AKT3: variants seen among roughly 807,000 people sequenced by gnomAD.
AKT3 encodes AKT serine/threonine kinase 3.
AKT3 carries 15 observed loss-of-function variants against 65.3 expected under a neutral mutation model. The ratio of observed to expected loss-of-function variants is 0.23; its 90% CI spans 0.15 to 0.35. The LOEUF is 0.35. Ranked by LOEUF, AKT3 falls within the 10% of genes least tolerant of loss-of-function variation. The pLI, the probability that AKT3 is intolerant of heterozygous loss-of-function variation, is 1.00. For synonymous variants in AKT3, 206 were observed against 183.8 expected (o/e 1.12, Z -0.98); for missense variants, 243 against 576.5 (o/e 0.42, Z 5.92).
chr1:243,527,897 AC>A (rs1671235396), intron 12 of AKT3, among the ~76,000 whole-genome samples: 1 of 109,496 alleles, frequency 9.1e-6, no homozygotes, highest in African/African-American at 3.7e-5. Flanking sequence ...ACACACACAC[AC>A]ACACACACAC....
intron 13 of AKT3, among the ~76,000 whole-genome samples, chr1:243,491,070 T>C (rs1321511703): frequency 6.6e-6 from 1 of 152,202 alleles, no homozygotes; most frequent in African/African-American, 2.4e-5. Context: ...GAGTCTTCCG[T>C]GGAAGCTGGA....
In AKT3 at chr1:243,757,550, G is replaced by A. The variant is rs541317420; in HGVS notation, c.47-61834C>T. Among the ~76,000 whole-genome samples, 8 of 152,166 alleles carry A rather than the reference G, an allele frequency of 5.3e-5. No homozygotes were observed. In the South Asian group the frequency reaches 6.2e-4, roughly 12 times the overall value. On this transcript the variant is annotated intron_variant, in intron 2 of 13. Coordinates refer to ENST00000673466, the MANE Select transcript of AKT3 (RefSeq NM_005465.7). ...GGAGAATCGCTTGAACCCGGGAGGC[G>A]GAGGCTGCAGTGAGCCAAGATCGTG...
intron 4 of AKT3, among the ~76,000 whole-genome samples, chr1:243,652,325 C>T (rs552175019): frequency 1.2e-4 from 19 of 152,082 alleles, no homozygotes; most frequent in Non-Finnish European, 2.5e-4. Context: ...GCTGGAATTA[C>T]AGGCAAGAAA....
At chr1:243,843,664 T>TG in intron 1 of AKT3, 1 of 859,632 alleles carries the variant, frequency 1.2e-6, no homozygotes, top group African/African-American at 1.8e-5. Context: ...TTGTTTTTTT[T>TG]TTTTTTGAAA....
chr1:243,604,124 G>A (rs998443041), intron 8 of AKT3, among the ~76,000 whole-genome samples: 1 of 151,858 alleles, frequency 6.6e-6, no homozygotes, highest in Non-Finnish European at 1.5e-5. Context: ...CAAACTCCTG[G>A]CCTCAGGTGA....
chr1:243,745,292 A>ACG (rs1450478298), intron 2 of AKT3, among the ~76,000 whole-genome samples: 2 of 152,152 alleles, frequency 1.3e-5, no homozygotes, highest in African/African-American at 2.4e-5. Context: ...GTGAGCTATG[A>ACG]TCATGCCACT....
chr1:243,748,466 A>T (rs1270849644), intron 2 of AKT3, among the ~76,000 whole-genome samples: 1 of 152,194 alleles, frequency 6.6e-6, no homozygotes, highest in Non-Finnish European at 1.5e-5. Context: ...AATCTTCACC[A>T]CTTAGAAAGA....
intron 6 of AKT3, among the ~76,000 whole-genome samples, chr1:243,621,114 C>T (rs1205206134): frequency 1.3e-5 from 2 of 152,084 alleles, no homozygotes; most frequent in African/African-American, 4.8e-5. Flanking sequence ...TCTTCCTTGC[C>T]TGGTAGGTAT....
intron 10 of AKT3, 42 bp downstream of exon 10, chr1:243,563,678 T>G: frequency 6.4e-7 from 1 of 1,561,924 alleles, no homozygotes; most frequent in South Asian, 1.2e-5. Context: ...TTGCAAATCA[T>G]TATGTCAATG....
At chr1:243,673,605 T>A (rs940568559) in intron 3 of AKT3, among the ~76,000 whole-genome samples, 1 of 145,750 alleles carries the variant, frequency 6.9e-6, no homozygotes, top group African/African-American at 2.5e-5. Flanking sequence ...GAAAAATAAT[T>A]ATGAGATTTT....
chr1:243,578,130 T>C lies in AKT3; in HGVS notation c.697-5082A>G, dbSNP rs376339744. On this transcript the variant is annotated intron_variant, in intron 8 of 13. Transcript: ENST00000673466. ...CCACTGTGGAAGACAAGTGTGGCAA[T>C]TGCTGTAAGACACAGAACCAGAAAT... Among the ~76,000 whole-genome samples, 7 of 152,116 alleles carry C rather than the reference T, an allele frequency of 4.6e-5. No homozygotes were observed. In the East Asian group the frequency reaches 5.8e-4, roughly 13 times the overall value.
At chr1:243,811,726 C>T (rs539403879) in intron 2 of AKT3, among the ~76,000 whole-genome samples, 1 of 152,192 alleles carries the variant, frequency 6.6e-6, no homozygotes, top group African/African-American at 2.4e-5. Flanking sequence ...CAATCCTAAG[C>T]CAAAAGAAAA....
At chr1:243,730,428 G>T (rs993849583) in intron 2 of AKT3, among the ~76,000 whole-genome samples, 3 of 152,224 alleles carry the variant, frequency 2.0e-5, no homozygotes. Context: ...GGCATGAAAA[G>T]GGCTGCAACA....
At chr1:243,798,639 C>T (rs1335568852) in intron 2 of AKT3, among the ~76,000 whole-genome samples, 1 of 152,026 alleles carries the variant, frequency 6.6e-6, no homozygotes. Flanking sequence ...TTCTATAGCT[C>T]ACTCCTAGAC....
chr1:243,695,534 C>T (rs556477507), intron 3 of AKT3, 57 bp downstream of exon 3: 4 of 1,471,058 alleles, frequency 2.7e-6, no homozygotes, highest in Non-Finnish European at 1.8e-6. Flanking sequence ...ATATCTGACA[C>T]ATAAAATCAT....
At chr1:243,794,384 G>T (rs1691822032) in intron 2 of AKT3, 1 of 152,120 alleles carries the variant, frequency 6.6e-6, no homozygotes, top group Non-Finnish European at 1.5e-5. Context: ...GGTTTCCCTG[G>T]GAACTTACAA....
chr1:243,605,435 T>C (rs770453077), intron 8 of AKT3, among the ~76,000 whole-genome samples: 4 of 152,346 alleles, frequency 2.6e-5, no homozygotes, highest in Non-Finnish European at 5.9e-5. Flanking sequence ...TGAAGCTCTA[T>C]GCATGGAAAG....
chr1:243,552,119 G>A (rs142901442), intron 11 of AKT3, among the ~76,000 whole-genome samples: 2,048 of 151,626 alleles, frequency 0.014, 37 homozygotes, highest in African/African-American at 0.048. Flanking sequence ...GCAAAACCCC[G>A]TCTCTACTAA....
chr1:243,497,539 G>A (rs989225757), downstream of AKT3, among the ~76,000 whole-genome samples: 2 of 152,172 alleles, frequency 1.3e-5, no homozygotes, highest in Admixed American at 6.5e-5. Context: ...GCAGGCCCAC[G>A]GAATCAGGAG....
Sources: allele counts gnomAD v4.1 joint callset (sites outside exome capture counted in the v4.1 genomes callset), GRCh38; gene constraint gnomAD v4.1.1; transcripts MANE v1.5; gene names NCBI Gene and HGNC (gene_info 2026-07-23, HGNC 2026-07-21).